LNX2: variants seen among roughly 807,000 people sequenced by gnomAD.
LNX2 encodes the protein ligand of Numb protein X 2.
In LNX2, 35 loss-of-function variants were observed where a neutral mutation model predicts 66.2. The observed-to-expected ratio is 0.53, with a 90% CI of 0.40 to 0.70. The LOEUF (loss-of-function observed/expected upper bound fraction) is 0.70, where lower values mean the gene tolerates loss of function less well. Ranked by LOEUF, LNX2 falls within the 30% of genes least tolerant of loss-of-function variation. The pLI is 0.00. For missense variants in LNX2, 791 were observed against 850.8 expected, an observed-to-expected ratio of 0.93 and a Z score of 0.87; for synonymous variants, 337 against 315.6, an observed-to-expected ratio of 1.07 and a Z score of -0.72.
In LNX2 at chr13:27,573,226, G is replaced by T. The variant is rs570329907; in HGVS notation, c.408-3950C>A. On this transcript the variant is annotated intron_variant, in intron 2 of 9. Transcript: ENST00000316334. The stretch of plus-strand genomic sequence containing the variant: ...GAAATCAGGAGGCTGGCAGACACTG[G>T]AAGAGCAGACTGGAGAACCTTCAAA... 5.3e-5 allele frequency among the ~76,000 whole-genome samples: 8 copies of T among 152,278 alleles called. No individual in the cohort carries two copies. The South Asian group carries it at 1.7e-3, about 32-fold the overall frequency.
At chr13:27,601,400 T>C (rs1385122885) in intron 1 of LNX2, among the ~76,000 whole-genome samples, 2 of 152,134 alleles carry the variant, frequency 1.3e-5, no homozygotes. Context: ...AGAAACCACA[T>C]GATTTATAAC....
At chr13:27,604,124 G>A (rs1422407951) in intron 1 of LNX2, among the ~76,000 whole-genome samples, 1 of 152,120 alleles carries the variant, frequency 6.6e-6, no homozygotes, top group Non-Finnish European at 1.5e-5. Flanking sequence ...CGTGGTGGCG[G>A]GCTCCCAGGT....
chr13:27,585,650 CCAA>C (rs1955476852), intron 1 of LNX2, among the ~76,000 whole-genome samples: 1 of 151,970 alleles, frequency 6.6e-6, no homozygotes, highest in South Asian at 2.1e-4. Context: ...ACAGACACGT[CCAA>C]GCTAGGTATT....
In LNX2 at chr13:27,581,354, GA is replaced by G; in HGVS notation, c.349del (p.Ser117LeufsTer7). 2 of 1,564,152 alleles carry G rather than the reference GA, an allele frequency of 1.3e-6. No homozygotes were observed. The highest frequency in any genetic ancestry group is 1.7e-6 in the Non-Finnish European group (2 of 1,151,620). ...LDKLLVLCPF[S>X]SVCKDVMQRC... ...TTGCATTACATCTTTGCACACTGAA[GA>G]AAATGGACATAAAACTAATAATTTG... On this transcript the variant is annotated frameshift_variant, in exon 2 of 10. Coordinates refer to ENST00000316334, the MANE Select transcript of LNX2 (RefSeq NM_153371.4). LOFTEE classifies it high-confidence loss of function.
intron 1 of LNX2, among the ~76,000 whole-genome samples, chr13:27,608,624 A>C (rs1955742209): frequency 6.6e-6 from 1 of 152,236 alleles, no homozygotes; most frequent in Admixed American, 6.5e-5. Context: ...AATCAAACAG[A>C]TGTGCTGCTT....
At chr13:27,564,029 T>C (rs944373924) in intron 4 of LNX2, among the ~76,000 whole-genome samples, 1 of 152,190 alleles carries the variant, frequency 6.6e-6, no homozygotes, top group Non-Finnish European at 1.5e-5. Context: ...CACGCAGATA[T>C]AGATTCATTA....
intron 1 of LNX2, among the ~76,000 whole-genome samples, chr13:27,619,545 C>G (rs1210611791): frequency 6.6e-6 from 1 of 152,208 alleles, no homozygotes; most frequent in African/African-American, 2.4e-5. Context: ...TCCTCCTGCA[C>G]CGCCACCGCT....
chr13:27,608,797 T>TTTTTGTTTTGTTTTGTTTTG (rs58647987), intron 1 of LNX2, among the ~76,000 whole-genome samples: 11,991 of 150,926 alleles, frequency 0.079, 538 homozygotes, highest in Middle Eastern at 0.14. Flanking sequence ...TTCTTTGAGT[T>TTTTTGTTTTGTTTTGTTTTG]TTTTGTTTTG....
At chr13:27,593,225 T>C (rs1045100427) in intron 1 of LNX2, among the ~76,000 whole-genome samples, 4 of 152,212 alleles carry the variant, frequency 2.6e-5, no homozygotes, top group African/African-American at 9.6e-5. Flanking sequence ...TGGAAGCCTT[T>C]GTCATTTATC....
rs911045820 is a variant in LNX2, at chr13:27,581,548, A to G, written c.156T>C (p.Ile52=). 6.2e-7 allele frequency: 1 copy of G among 1,614,230 alleles called. No homozygotes were observed. The highest frequency in any genetic ancestry group is 8.5e-7 in the Non-Finnish European group (1 of 1,180,046). ...NEVDDDLVCH[I]CLQPLLQPLD... is the part of the protein sequence containing the mutation. ...GTGGCTGCAGCAGAGGTTGAAGGCA[A>G]ATATGGCAGACTAGGTCATCATCCA... is the stretch of plus-strand genomic sequence containing the variant. Residue 52 remains isoleucine, a synonymous_variant, in exon 2 of 10, where the codon ATT becomes ATC. Coordinates refer to ENST00000316334, the MANE Select transcript of LNX2 (RefSeq NM_153371.4).
rs562377746 is a variant in LNX2, at chr13:27,546,268, A to G, written c.*2067T>C. 10 of 152,212 alleles carry G rather than the reference A, an allele frequency of 6.6e-5. No individual in the cohort carries two copies. Among genetic ancestry groups the G allele is most frequent in the Non-Finnish European group, 1.5e-4 (10 of 68,032 alleles). The allele number at this position is 152,212 out of a possible 1,614,324, so 9.4% of individuals were successfully genotyped here. On this transcript the variant is annotated 3_prime_UTR_variant, in exon 10 of 10. Coordinates refer to ENST00000316334, the MANE Select transcript of LNX2 (RefSeq NM_153371.4). ...TGTATATAACAAAGTAGCAGTCAGG[A>G]TATTTGTTGATGGATGGCTACTCCC...
intron 3 of LNX2, among the ~76,000 whole-genome samples, chr13:27,568,802 G>A (rs916210362): frequency 2.6e-5 from 4 of 152,208 alleles, no homozygotes; most frequent in African/African-American, 9.6e-5. Flanking sequence ...AGGACCATCT[G>A]CCTCGGGGGT....
At chr13:27,558,616 T>C (rs931542826) in intron 6 of LNX2, among the ~76,000 whole-genome samples, 2 of 152,066 alleles carry the variant, frequency 1.3e-5, no homozygotes, top group Non-Finnish European at 2.9e-5. Context: ...ATAAAAAACT[T>C]GTAAAGCAAG....
intron 1 of LNX2, among the ~76,000 whole-genome samples, chr13:27,615,371 G>A (rs61944061): frequency 0.067 from 10,163 of 152,326 alleles, 471 homozygotes; most frequent in Admixed American, 0.12. Context: ...TGCCCTCTCT[G>A]GGGCGTGTTA....
intron 4 of LNX2, 98 bp from the exon 5 acceptor site, chr13:27,562,879 G>A: frequency 8.0e-7 from 1 of 1,248,786 alleles, no homozygotes; most frequent in Non-Finnish European, 1.1e-6. Context: ...TAAGTATTGT[G>A]AGAGTGCTAA....
At chr13:27,562,379 C>A in intron 5 of LNX2, 34 bp downstream of exon 5, 1 of 1,578,732 alleles carries the variant, frequency 6.3e-7, no homozygotes. Context: ...ATCATTTCGG[C>A]CAAGCCTTTG....
intron 9 of LNX2, among the ~76,000 whole-genome samples, chr13:27,549,389 T>A (rs141603651): frequency 4.6e-5 from 7 of 150,918 alleles, no homozygotes; most frequent in Non-Finnish European, 1.0e-4. Flanking sequence ...CTGGTGATGA[T>A]GTCTTGCCAT....
chr13:27,577,951 A>G (rs1208502994), intron 2 of LNX2, among the ~76,000 whole-genome samples: 1 of 152,244 alleles, frequency 6.6e-6, no homozygotes, highest in Non-Finnish European at 1.5e-5. Flanking sequence ...TACAACATGT[A>G]GAATATTTTT....
chr13:27,583,224 G>GTCCTCTCCAATATAACTT (rs1555268489), intron 1 of LNX2, among the ~76,000 whole-genome samples: 314 of 26,140 alleles, frequency 0.012, 12 homozygotes, highest in African/African-American at 0.016. Context: ...GTGTGTGTGT[G>GTCCTCTCCAATATAACTT]TGTGTGTGTG....
Sources: allele counts gnomAD v4.1 joint callset (sites outside exome capture counted in the v4.1 genomes callset), GRCh38; gene constraint gnomAD v4.1.1; transcripts MANE v1.5; gene names NCBI Gene and HGNC (gene_info 2026-07-23, HGNC 2026-07-21).